The following IQCK variants were observed in gnomAD, a reference collection of about 807,000 sequenced individuals.
IQCK encodes the protein IQ domain-containing protein K.
Under a neutral mutation model 28.1 loss-of-function variants are expected in IQCK, and 29 were observed. The ratio of observed to expected loss-of-function variants is 1.03; its 90% CI spans 0.77 to 1.41. The LOEUF (loss-of-function observed/expected upper bound fraction) is 1.41, where lower values mean the gene tolerates loss of function less well. Ranked by LOEUF, IQCK falls within the 40% of genes most tolerant of loss-of-function variation. The pLI is 0.00. For missense variants in IQCK, 359 were observed against 314.7 expected (o/e 1.14, Z -1.07); for synonymous variants, 113 against 115.1 (o/e 0.98, Z 0.12).
intron 4 of IQCK, among the ~76,000 whole-genome samples, chr16:19,745,448 C>T (rs1401331231): frequency 6.6e-6 from 1 of 152,090 alleles, no homozygotes; most frequent in Non-Finnish European, 1.5e-5. Flanking sequence ...CAGGGTCAGC[C>T]CCGCAGCGGC....
chr16:19,718,662 C>T (rs868858645), intron 1 of IQCK, among the ~76,000 whole-genome samples, 175 bp downstream of exon 1: 1 of 152,202 alleles, frequency 6.6e-6, no homozygotes, highest in Non-Finnish European at 1.5e-5. Flanking sequence ...GAGAGGCTGG[C>T]CCGAGGTTAC....
intron 7 of IQCK, among the ~76,000 whole-genome samples, chr16:19,807,288 G>C (rs1187624539): frequency 6.6e-6 from 1 of 152,206 alleles, no homozygotes; most frequent in African/African-American, 2.4e-5. Context: ...CCCTAAGCCA[G>C]AATGCCCCAG....
chr16:19,822,385 CAAA>C (rs1216507836), intron 7 of IQCK, among the ~76,000 whole-genome samples: 7 of 61,166 alleles, frequency 1.1e-4, no homozygotes, highest in African/African-American at 4.2e-4. Context: ...GACTCTGTCT[CAAA>C]AAAAAAAAAA....
intron 1 of IQCK, among the ~76,000 whole-genome samples, chr16:19,725,802 CCATACTT>C (rs1440969746): frequency 6.6e-6 from 1 of 152,162 alleles, no homozygotes; most frequent in Admixed American, 6.6e-5. Flanking sequence ...AAGTATTTTC[CCATACTT>C]CATACTTCTA....
At chr16:19,834,715 A>T (rs1045554132) in intron 9 of IQCK, among the ~76,000 whole-genome samples, 1 of 152,168 alleles carries the variant, frequency 6.6e-6, no homozygotes. Context: ...GGATAAGAAT[A>T]TTCTTTTCTC....
intron 9 of IQCK, among the ~76,000 whole-genome samples, chr16:19,842,139 C>T (rs2056368804): frequency 6.6e-6 from 1 of 152,202 alleles, no homozygotes; most frequent in Non-Finnish European, 1.5e-5. Context: ...AACCACCACA[C>T]CCGGCCCCAT....
intron 7 of IQCK, among the ~76,000 whole-genome samples, chr16:19,814,245 A>T (rs1454608905): frequency 6.7e-6 from 1 of 149,522 alleles, no homozygotes; most frequent in Non-Finnish European, 1.5e-5. Context: ...AAAAAAAAAA[A>T]ACCACAAAAA....
chr16:19,849,971 T>C (rs1028737686), intron 9 of IQCK, among the ~76,000 whole-genome samples: 11 of 152,186 alleles, frequency 7.2e-5, no homozygotes, highest in African/African-American at 2.7e-4. Flanking sequence ...TGGAAATTTA[T>C]AGGAAATGTG....
chr16:19,722,675 GA>G (rs1366998655), intron 1 of IQCK, among the ~76,000 whole-genome samples: 1 of 151,000 alleles, frequency 6.6e-6, no homozygotes, highest in Non-Finnish European at 1.5e-5. Context: ...CCATCTCCAC[GA>G]ATGTTACCAT....
At chr16:19,858,111 C>A (rs145255569) in exon 10 of IQCK, 155 of 172,768 alleles carry the variant, frequency 9.0e-4, no homozygotes, top group African/African-American at 3.4e-3. Flanking sequence ...TGTCTTTAAA[C>A]CTTGCTCCAC....
At chr16:19,817,888 T>G (rs1177663375) in intron 7 of IQCK, among the ~76,000 whole-genome samples, 1 of 152,088 alleles carries the variant, frequency 6.6e-6, no homozygotes, top group Non-Finnish European at 1.5e-5. Context: ...GTAAACCAAT[T>G]GTAAAGAAAG....
intron 4 of IQCK, among the ~76,000 whole-genome samples, chr16:19,760,447 C>T (rs973812336): frequency 2.6e-5 from 4 of 152,106 alleles, no homozygotes; most frequent in Non-Finnish European, 5.9e-5. Flanking sequence ...TAATAGAGCC[C>T]CAAATTTGTT....
intron 1 of IQCK, among the ~76,000 whole-genome samples, chr16:19,727,595 C>T (rs1031575108): frequency 2.0e-5 from 3 of 149,970 alleles, no homozygotes; most frequent in East Asian, 2.0e-4. Flanking sequence ...ACCCCCCCCC[C>T]CCAAAAAAAA....
At chr16:19,842,118 T>G (rs1363539802) in intron 9 of IQCK, among the ~76,000 whole-genome samples, 1 of 152,196 alleles carries the variant, frequency 6.6e-6, no homozygotes, top group Non-Finnish European at 1.5e-5. Flanking sequence ...AATGCTGGGA[T>G]TACAGGTGTG....
At chr16:19,755,397 C>T (rs1439562579) in intron 4 of IQCK, among the ~76,000 whole-genome samples, 1 of 152,190 alleles carries the variant, frequency 6.6e-6, no homozygotes, top group Non-Finnish European at 1.5e-5. Context: ...CCAACTAGTC[C>T]TATCAGATTC....
At chr16:19,736,152 T>C (rs1193561732) in intron 4 of IQCK, 1 of 455,964 alleles carries the variant, frequency 2.2e-6, no homozygotes, top group Non-Finnish European at 4.4e-6. Context: ...CCATGCCAAC[T>C]GTCATGAATG....
chr16:19,827,241 C>A, downstream of IQCK: 1 of 750,072 alleles, frequency 1.3e-6, no homozygotes. Flanking sequence ...TCCTTGTCTG[C>A]ATGGAACTCA....
At chr16:19,838,006 G>T (rs1257105763) in intron 9 of IQCK, among the ~76,000 whole-genome samples, 1 of 152,228 alleles carries the variant, frequency 6.6e-6, no homozygotes, top group Non-Finnish European at 1.5e-5. Flanking sequence ...CTTGTTTTCT[G>T]CTTTGAAAAA....
At position 19,826,250 on chromosome 16, in the gene IQCK, C is replaced by T. The variant is rs554506728; in HGVS notation, c.691-776C>T. Among the ~76,000 whole-genome samples, 3 of 152,134 alleles carry T rather than the reference C, an allele frequency of 2.0e-5. No individual in the cohort carries two copies. In the East Asian group the frequency reaches 5.8e-4, roughly 29 times the overall value. Reference sequence around the variant, plus strand: ...CTTGAACACCTGGGCTTGAGCAATCCTCCTGCCTTGGCCTCTCATAGTACT... The same window carrying T: ...CTTGAACACCTGGGCTTGAGCAATCTTCCTGCCTTGGCCTCTCATAGTACT... On this transcript the variant is annotated intron_variant, in intron 7 of 7. Transcript: ENST00000564186.
Sources: allele counts gnomAD v4.1 joint callset (sites outside exome capture counted in the v4.1 genomes callset), GRCh38; gene constraint gnomAD v4.1.1; transcripts MANE v1.5; gene names NCBI Gene and HGNC (gene_info 2026-07-23, HGNC 2026-07-21).